The following KCNJ3 variants were observed in gnomAD, a reference collection of about 807,000 sequenced individuals.
KCNJ3 encodes the protein potassium inwardly rectifying channel subfamily J member 3.
In KCNJ3, 4 loss-of-function variants were observed where a neutral mutation model predicts 39.2. The ratio of observed to expected loss-of-function variants is 0.10; its 90% confidence interval spans 0.05 to 0.23. The LOEUF is 0.23. KCNJ3 is among the 10% of genes least tolerant of loss of function. The pLI, the probability that KCNJ3 is intolerant of heterozygous loss-of-function variation, is 1.00. For synonymous variants in KCNJ3, 230 were observed against 237.4 expected, an observed-to-expected ratio of 0.97 and a Z score of 0.29; for missense variants, 276 against 634.9, an observed-to-expected ratio of 0.43 and a Z score of 6.08.
intron 2 of KCNJ3, among the ~76,000 whole-genome samples, chr2:154,843,662 G>A (rs1037609400): frequency 1.3e-5 from 2 of 151,540 alleles, no homozygotes; most frequent in Non-Finnish European, 2.9e-5. Flanking sequence ...CTCTAACCTC[G>A]TCTTCACATT....
At chr2:154,755,059 A>G (rs1368691280) in intron 2 of KCNJ3, among the ~76,000 whole-genome samples, 2 of 152,196 alleles carry the variant, frequency 1.3e-5, no homozygotes, top group East Asian at 1.9e-4. Flanking sequence ...TATTTTTATA[A>G]TATTTTCAAG....
intron 2 of KCNJ3, among the ~76,000 whole-genome samples, chr2:154,721,321 G>A (rs1359574388): frequency 1.3e-5 from 2 of 152,038 alleles, no homozygotes; most frequent in Non-Finnish European, 2.9e-5. Flanking sequence ...TGATCTATTG[G>A]TTTTAATTGA....
chr2:154,802,454 A>G (rs1686835950), intron 2 of KCNJ3, among the ~76,000 whole-genome samples: 1 of 152,128 alleles, frequency 6.6e-6, no homozygotes, highest in Admixed American at 6.6e-5. Context: ...TTACAGCTGT[A>G]TATTTTCATA....
Position 154,855,756 on chromosome 2 carries a change from C to T in KCNJ3, c.*443C>T, listed in dbSNP as rs548745467. The T allele has an allele frequency of 6.5e-6, 1 of 154,506 alleles. No homozygotes were observed. The highest frequency in any genetic ancestry group is 6.3e-5 in the Admixed American group (1 of 15,754). 9.6% of individuals were successfully genotyped at this position (154,506 alleles called of 1,614,324 possible). A position where few individuals can be genotyped will look rare whatever the true frequency, so the allele number is the denominator to read the frequency against. On this transcript the variant is annotated 3_prime_UTR_variant, in exon 3 of 3. Coordinates refer to ENST00000295101, the MANE Select transcript of KCNJ3 (RefSeq NM_002239.4). Reference sequence around the variant, plus strand: ...CTGTGTGTGTGTGTGTATGTATACACACATATACATATATATATACACATA... The same window carrying T: ...CTGTGTGTGTGTGTGTATGTATACATACATATACATATATATATACACATA...
chr2:154,845,588 T>C (rs111928204), intron 2 of KCNJ3, among the ~76,000 whole-genome samples: 317 of 152,324 alleles, frequency 2.1e-3, no homozygotes, highest in African/African-American at 7.3e-3. Context: ...TTAACAATGC[T>C]TTAATAAATA....
chr2:154,793,745 A>G (rs1178424222), intron 2 of KCNJ3, among the ~76,000 whole-genome samples: 2 of 152,080 alleles, frequency 1.3e-5, no homozygotes, highest in Non-Finnish European at 2.9e-5. Flanking sequence ...GCTGAGACCA[A>G]TGACTAACCG....
chr2:154,773,308 A>T (rs1686274626), intron 2 of KCNJ3, among the ~76,000 whole-genome samples: 1 of 152,132 alleles, frequency 6.6e-6, no homozygotes, highest in South Asian at 2.1e-4. Context: ...ATTAGTACCA[A>T]AATATAAATT....
At chr2:154,738,084 C>G (rs1263737305) in intron 2 of KCNJ3, among the ~76,000 whole-genome samples, 1 of 152,074 alleles carries the variant, frequency 6.6e-6, no homozygotes, top group Admixed American at 6.6e-5. Context: ...CCATTATAAA[C>G]AGTGCTGAAA....
chr2:154,703,578 A>G (rs969280096), intron 1 of KCNJ3, among the ~76,000 whole-genome samples: 6 of 151,726 alleles, frequency 4.0e-5, no homozygotes, highest in African/African-American at 1.5e-4. Flanking sequence ...GACTATTATC[A>G]AGTGCAGATG....
At chr2:154,805,963 C>G (rs1442432179) in intron 2 of KCNJ3, among the ~76,000 whole-genome samples, 1 of 152,116 alleles carries the variant, frequency 6.6e-6, no homozygotes, top group African/African-American at 2.4e-5. Flanking sequence ...AAAATATGTT[C>G]TGCATTCATA....
chr2:154,828,211 C>T (rs1005552439), intron 2 of KCNJ3, among the ~76,000 whole-genome samples: 1 of 152,196 alleles, frequency 6.6e-6, no homozygotes, highest in Non-Finnish European at 1.5e-5. Context: ...TTTTACATTA[C>T]TGCATGGGTA....
chr2:154,811,855 C>G (rs551003718), intron 2 of KCNJ3, among the ~76,000 whole-genome samples: 38 of 152,274 alleles, frequency 2.5e-4, no homozygotes, highest in African/African-American at 9.1e-4. Context: ...ATTTAATACA[C>G]TAACCTTGGA....
At chr2:154,764,704 T>TAA (rs35683604) in intron 2 of KCNJ3, among the ~76,000 whole-genome samples, 1 of 151,532 alleles carries the variant, frequency 6.6e-6, no homozygotes, top group Non-Finnish European at 1.5e-5. Context: ...ATAATCTAAT[T>TAA]AAAAAAAAAG....
At chr2:154,815,416 C>T (rs1239115001) in intron 2 of KCNJ3, among the ~76,000 whole-genome samples, 1 of 152,244 alleles carries the variant, frequency 6.6e-6, no homozygotes, top group African/African-American at 2.4e-5. Context: ...TTTTTATCTC[C>T]TCTTTTTTCC....
intron 2 of KCNJ3, among the ~76,000 whole-genome samples, chr2:154,717,411 C>T (rs1315025271): frequency 2.6e-5 from 4 of 152,092 alleles, no homozygotes; most frequent in Admixed American, 6.6e-5. Context: ...GGAGGATGTG[C>T]GGCTGAGACT....
At chr2:154,847,004 A>C (rs1687674605) in intron 2 of KCNJ3, among the ~76,000 whole-genome samples, 1 of 152,110 alleles carries the variant, frequency 6.6e-6, no homozygotes, top group South Asian at 2.1e-4. Flanking sequence ...ATAATAGAGG[A>C]TAATATTGAG....
chr2:154,750,041 T>C (rs1685811538), intron 2 of KCNJ3, among the ~76,000 whole-genome samples: 1 of 152,072 alleles, frequency 6.6e-6, no homozygotes, highest in Non-Finnish European at 1.5e-5. Context: ...AAATGTCTTG[T>C]AGAAGAAAGC....
At chr2:154,830,736 A>C (rs909708914) in intron 2 of KCNJ3, among the ~76,000 whole-genome samples, 6 of 151,696 alleles carry the variant, frequency 4.0e-5, no homozygotes, top group Non-Finnish European at 7.4e-5. Context: ...GTTTAATGGC[A>C]CATGATTAGA....
At chr2:154,772,493 T>C (rs1300512360) in intron 2 of KCNJ3, among the ~76,000 whole-genome samples, 1 of 152,206 alleles carries the variant, frequency 6.6e-6, no homozygotes, top group African/African-American at 2.4e-5. Context: ...ATGGAATTTG[T>C]AATGATTGAA....
Sources: allele counts gnomAD v4.1 joint callset (sites outside exome capture counted in the v4.1 genomes callset), GRCh38; gene constraint gnomAD v4.1.1; transcripts MANE v1.5; gene names NCBI Gene and HGNC (gene_info 2026-07-23, HGNC 2026-07-21).